The following KCNAB1 variants were observed in gnomAD, a reference collection of about 807,000 sequenced individuals.
KCNAB1 encodes the protein voltage-gated potassium channel subunit beta-1.
Under a neutral mutation model 64.6 loss-of-function variants are expected in KCNAB1, and 35 were observed. The observed-to-expected ratio is 0.54, with a 90% CI of 0.41 to 0.72. The LOEUF (loss-of-function observed/expected upper bound fraction) is 0.72, where lower values mean the gene tolerates loss of function less well. KCNAB1 is among the 30% of genes least tolerant of loss of function. KCNAB1 has a pLI of 0.00. For synonymous variants in KCNAB1, 177 were observed against 183.8 expected (o/e 0.96, Z 0.30); for missense variants, 401 against 512.9 (o/e 0.78, Z 2.11).
intron 8 of KCNAB1, among the ~76,000 whole-genome samples, chr3:156,482,026 C>G (rs1714852749): frequency 6.6e-6 from 1 of 152,094 alleles, no homozygotes; most frequent in Non-Finnish European, 1.5e-5. Flanking sequence ...TGATGAAAAT[C>G]TAATGGAGAT....
intron 1 of KCNAB1, among the ~76,000 whole-genome samples, chr3:156,259,383 A>G (rs954520418): frequency 1.3e-5 from 2 of 152,236 alleles, no homozygotes; most frequent in South Asian, 2.1e-4. Flanking sequence ...GCCTGAGATC[A>G]AAAGTCACAT....
intron 1 of KCNAB1, among the ~76,000 whole-genome samples, chr3:156,251,880 G>T (rs961729184): frequency 6.6e-6 from 1 of 152,120 alleles, no homozygotes; most frequent in Admixed American, 6.6e-5. Context: ...TTAGATTGTA[G>T]GTCAAATGCT....
chr3:156,462,074 CAG>C (rs1398467407), intron 5 of KCNAB1, among the ~76,000 whole-genome samples: 2 of 152,218 alleles, frequency 1.3e-5, no homozygotes, highest in African/African-American at 2.4e-5. Flanking sequence ...GTCATGCTGA[CAG>C]AGTGAGATAA....
intron 8 of KCNAB1, among the ~76,000 whole-genome samples, chr3:156,480,673 T>C (rs1714728179): frequency 6.6e-6 from 1 of 152,168 alleles, no homozygotes; most frequent in South Asian, 2.1e-4. Context: ...TACATTCTTT[T>C]TTTTCCCTAC....
At chr3:156,485,924 T>A (rs1393571571) in intron 8 of KCNAB1, among the ~76,000 whole-genome samples, 1 of 152,140 alleles carries the variant, frequency 6.6e-6, no homozygotes, top group Non-Finnish European at 1.5e-5. Context: ...ATGATTTCAT[T>A]CTTTTTTCTG....
chr3:156,226,582 C>T (rs770100572), intron 1 of KCNAB1, among the ~76,000 whole-genome samples: 28 of 152,144 alleles, frequency 1.8e-4, no homozygotes, highest in Non-Finnish European at 2.9e-4. Flanking sequence ...AACTAAAAAG[C>T]TCCTGCACAG....
At chr3:156,212,970 G>A (rs942985064) in intron 1 of KCNAB1, among the ~76,000 whole-genome samples, 1 of 152,142 alleles carries the variant, frequency 6.6e-6, no homozygotes, top group African/African-American at 2.4e-5. Flanking sequence ...AAGGCAATGA[G>A]GAGTGATGTT....
intron 5 of KCNAB1, among the ~76,000 whole-genome samples, chr3:156,463,003 A>T (rs1576898452): frequency 1.3e-5 from 2 of 152,220 alleles, no homozygotes; most frequent in South Asian, 4.1e-4. Flanking sequence ...TAGCAGTAAA[A>T]TGGTAGAAAC....
At position 156,277,576 on chromosome 3, in the gene KCNAB1, T is replaced by C. The variant is rs1010926208; in HGVS notation, c.276-144040T>C. 7.2e-5 allele frequency among the ~76,000 whole-genome samples: 11 copies of C among 152,306 alleles called. No homozygotes were observed. In the South Asian group the frequency reaches 8.3e-4, roughly 11 times the overall value. ...CTGTGTTGTTGCAAATGGTGGAATT[T>C]TCTTCTGTTTAAGGGCTAAATAATA... On this transcript the variant is annotated intron_variant, in intron 1 of 13. Transcript: ENST00000490337.
At chr3:156,244,444 C>G (rs1301767851) in intron 1 of KCNAB1, among the ~76,000 whole-genome samples, 1 of 152,196 alleles carries the variant, frequency 6.6e-6, no homozygotes, top group Non-Finnish European at 1.5e-5. Flanking sequence ...CACCAAAGTC[C>G]CTTTTTGCCA....
chr3:156,380,237 C>A (rs898213589), intron 1 of KCNAB1, among the ~76,000 whole-genome samples: 17 of 152,150 alleles, frequency 1.1e-4, no homozygotes, highest in Non-Finnish European at 1.9e-4. Flanking sequence ...ACCAGGGTGA[C>A]AACATGTGGC....
chr3:156,248,193 T>C (rs150341521), intron 1 of KCNAB1, among the ~76,000 whole-genome samples: 2,633 of 152,340 alleles, frequency 0.017, 49 homozygotes, highest in South Asian at 0.023. Context: ...TTCCATATTT[T>C]GCAGCTAGAG....
intron 1 of KCNAB1, among the ~76,000 whole-genome samples, chr3:156,275,618 A>C (rs1034599219): frequency 2.6e-5 from 4 of 152,174 alleles, no homozygotes; most frequent in Non-Finnish European, 5.9e-5. Flanking sequence ...GAATATTCTG[A>C]ATCATTTGTT....
intron 1 of KCNAB1, among the ~76,000 whole-genome samples, chr3:156,256,700 A>G (rs1718119783): frequency 6.6e-6 from 1 of 152,006 alleles, no homozygotes; most frequent in African/African-American, 2.4e-5. Context: ...TTTTTACCCC[A>G]TGTGTGCTGA....
chr3:156,143,284 A>G (rs1399752378), intron 1 of KCNAB1: 2 of 1,613,976 alleles, frequency 1.2e-6, no homozygotes, highest in East Asian at 4.5e-5. Flanking sequence ...AGCAGTGACC[A>G]AGACTCAGCC....
intron 1 of KCNAB1, among the ~76,000 whole-genome samples, chr3:156,136,800 T>G (rs921332383): frequency 1.3e-5 from 2 of 152,220 alleles, no homozygotes; most frequent in African/African-American, 4.8e-5. Flanking sequence ...TGGCATCTTT[T>G]GGGAACTTTT....
intron 1 of KCNAB1, among the ~76,000 whole-genome samples, chr3:156,159,262 C>G (rs1028463773): frequency 6.6e-6 from 1 of 152,108 alleles, no homozygotes; most frequent in African/African-American, 2.4e-5. Flanking sequence ...TCTTCTTGCT[C>G]TAAAACTCTG....
At chr3:156,132,464 C>T (rs924665571) in intron 1 of KCNAB1, among the ~76,000 whole-genome samples, 2 of 152,200 alleles carry the variant, frequency 1.3e-5, no homozygotes, top group Admixed American at 1.3e-4. Context: ...TCACTTACGG[C>T]TGGATGAGGC....
In KCNAB1 at chr3:156,463,720, A is replaced by C; in HGVS notation, c.501A>C (p.Ile167=). The C allele has an allele frequency of 6.2e-7, 1 of 1,605,774 alleles. No individual in the cohort carries two copies. The highest frequency in any genetic ancestry group is 8.5e-7 in the Non-Finnish European group (1 of 1,177,262). Residue 167 remains isoleucine (I), a synonymous_variant, in exon 6 of 14, where the codon ATA becomes ATC. Coordinates refer to ENST00000490337, the MANE Select transcript of KCNAB1 (RefSeq NM_172160.3). ...KKGWRRSSLV[I]TTKLYWGGKA... Reference sequence around the variant, plus strand: ...TATACAGGAGGTCCAGTCTGGTCATAACAACCAAACTCTACTGGGGTGGAA... The same window carrying C: ...TATACAGGAGGTCCAGTCTGGTCATCACAACCAAACTCTACTGGGGTGGAA...
Sources: gnomAD v4.1 joint callset for allele counts (sites outside exome capture counted in the v4.1 genomes callset) on GRCh38, gnomAD v4.1.1 for gene constraint, MANE v1.5 for transcripts, NCBI Gene and HGNC (gene_info 2026-07-23, HGNC 2026-07-21) for gene names.